Variants in TMEM45B observed in about 807,000 individuals in gnomAD.
TMEM45B encodes transmembrane protein 45B.
Under a neutral mutation model 27.3 loss-of-function variants are expected in TMEM45B, and 29 were observed. The observed-to-expected ratio is 1.06, with a 90% CI of 0.79 to 1.45. The LOEUF is 1.45. Among genes scored for constraint, TMEM45B ranks in the 40% most tolerant of loss-of-function variants. TMEM45B has a pLI of 0.00. For missense variants in TMEM45B, 348 were observed against 343.9 expected (o/e 1.01, Z -0.09); for synonymous variants, 143 against 134.7 (o/e 1.06, Z -0.43).
chr11:129,835,474 G>C (rs1254860981), intron 1 of TMEM45B, among the ~76,000 whole-genome samples: 28 of 152,230 alleles, frequency 1.8e-4, no homozygotes, highest in Non-Finnish European at 3.7e-4. Flanking sequence ...AAAGGAGACA[G>C]AAATAGGAAG....
At chr11:129,823,948 C>T (rs1947450280) in intron 1 of TMEM45B, among the ~76,000 whole-genome samples, 1 of 152,160 alleles carries the variant, frequency 6.6e-6, no homozygotes, top group Admixed American at 6.6e-5. Flanking sequence ...TCTCTTTGAT[C>T]TGTTCTAATG....
At chr11:129,854,893 A>G in intron 3 of TMEM45B, 77 bp downstream of exon 3, 2 of 1,532,590 alleles carry the variant, frequency 1.3e-6, no homozygotes, top group Non-Finnish European at 1.8e-6. Flanking sequence ...ACAAAATATC[A>G]GAAATGTTGC....
intron 1 of TMEM45B, among the ~76,000 whole-genome samples, chr11:129,838,272 T>TG (rs1304459512): frequency 2.6e-5 from 4 of 152,112 alleles, no homozygotes; most frequent in African/African-American, 9.7e-5. Flanking sequence ...GGCTTGGTTG[T>TG]GGGGCCATCC....
intron 1 of TMEM45B, among the ~76,000 whole-genome samples, chr11:129,832,786 G>A (rs1207679573): frequency 6.6e-6 from 1 of 152,040 alleles, no homozygotes; most frequent in Non-Finnish European, 1.5e-5. Flanking sequence ...TGGCAAGAAA[G>A]TACAGAGAAC....
chr11:129,824,013 A>G lies in TMEM45B; in HGVS notation c.-9+8115A>G, dbSNP rs576961119. On this transcript the variant is annotated intron_variant, in intron 1 of 5. Coordinates refer to ENST00000281441, the MANE Select transcript of TMEM45B (RefSeq NM_138788.5). The stretch of plus-strand genomic sequence containing the variant: ...ATCTACAATCTGGCATATTTTATAC[A>G]TTATACAAAGCTCATTGTTGTGCTC... Among the ~76,000 whole-genome samples, 233 of 152,282 alleles carry G rather than the reference A, an allele frequency of 1.5e-3. 1 individual carries two copies. The highest frequency in any genetic ancestry group is 4.9e-3 in the African/African-American group (204 of 41,550).
chr11:129,841,382 G>A (rs1289295953), intron 1 of TMEM45B, among the ~76,000 whole-genome samples: 2 of 152,112 alleles, frequency 1.3e-5, no homozygotes, highest in Non-Finnish European at 2.9e-5. Context: ...ATTTAACAGG[G>A]GGATTCTGGA....
intron 1 of TMEM45B, among the ~76,000 whole-genome samples, chr11:129,817,454 G>A (rs929596162): frequency 6.6e-6 from 1 of 152,158 alleles, no homozygotes; most frequent in African/African-American, 2.4e-5. Flanking sequence ...TATTGAATAT[G>A]GCCCACTGAT....
At chr11:129,851,101 A>G (rs1250266551) in intron 1 of TMEM45B, among the ~76,000 whole-genome samples, 1 of 152,248 alleles carries the variant, frequency 6.6e-6, no homozygotes, top group Non-Finnish European at 1.5e-5. Flanking sequence ...AGATCAAGGC[A>G]GCAGCATCTG....
In TMEM45B at chr11:129,815,856, C is replaced by A; in HGVS notation, c.-51C>A. 1.5e-6 allele frequency: 2 copies of A among 1,307,610 alleles called. No individual in the cohort carries two copies. Among genetic ancestry groups the A allele is most frequent in the Non-Finnish European group, 9.6e-7 (1 of 1,036,314 alleles). 81.0% of individuals were successfully genotyped at this position (1,307,610 alleles called of 1,614,324 possible). On this transcript the variant is annotated 5_prime_UTR_variant, in exon 1 of 6. Transcript: ENST00000281441. ...CCTGCTTCTGGGCGGACGCACTTGG[C>A]GCGCGGCGCGGGCTGCAGACGGCTG...
chr11:129,826,324 C>T lies in TMEM45B; in HGVS notation c.-9+10426C>T, dbSNP rs868326280. 3.3e-5 allele frequency among the ~76,000 whole-genome samples: 5 copies of T among 151,888 alleles called. No individual in the cohort carries two copies. In the East Asian group the frequency reaches 9.7e-4, roughly 30 times the overall value. On this transcript the variant is annotated intron_variant, in intron 1 of 5. Transcript: ENST00000281441. ...CAGCACTTTGGGAGGCCGAGGCGGG[C>T]GGATCACGAGGTCAGGAGATCGAGA...
intron 1 of TMEM45B, among the ~76,000 whole-genome samples, chr11:129,824,508 A>G (rs1357091049): frequency 2.6e-5 from 4 of 152,240 alleles, no homozygotes; most frequent in Non-Finnish European, 5.9e-5. Flanking sequence ...AGTAGAAATC[A>G]AGGGACTTAC....
chr11:129,838,155 G>T (rs1450485704), intron 1 of TMEM45B, among the ~76,000 whole-genome samples: 1 of 152,126 alleles, frequency 6.6e-6, no homozygotes, highest in East Asian at 1.9e-4. Context: ...CAGAAAGAGG[G>T]CAGCCTGCTG....
chr11:129,817,980 G>C, intron 1 of TMEM45B, among the ~76,000 whole-genome samples: 1 of 152,078 alleles, frequency 6.6e-6, no homozygotes, highest in East Asian at 1.9e-4. Flanking sequence ...ATCAACTAAT[G>C]GTACTTATAG....
At chr11:129,842,946 T>C (rs1947713217) in intron 1 of TMEM45B, among the ~76,000 whole-genome samples, 1 of 152,210 alleles carries the variant, frequency 6.6e-6, no homozygotes, top group Non-Finnish European at 1.5e-5. Context: ...TACTACTCAA[T>C]AGTAAAAAAC....
chr11:129,821,513 G>A lies in TMEM45B; in HGVS notation c.-9+5615G>A, dbSNP rs1049587474. The stretch of plus-strand genomic sequence containing the variant: ...TTATGTACAGTTTTTGTAATTTTAC[G>A]CCTTTTTCTTAAAGAAGGCTCCCAA... On this transcript the variant is annotated intron_variant, in intron 1 of 5. Coordinates refer to ENST00000281441, the MANE Select transcript of TMEM45B (RefSeq NM_138788.5). Among the ~76,000 whole-genome samples, 7 of 151,556 alleles carry A rather than the reference G, an allele frequency of 4.6e-5. No individual in the cohort carries two copies. In the South Asian group the frequency reaches 1.0e-3, roughly 23 times the overall value.
intron 1 of TMEM45B, among the ~76,000 whole-genome samples, chr11:129,835,812 G>A (rs1250264497): frequency 6.6e-6 from 1 of 152,212 alleles, no homozygotes; most frequent in Admixed American, 6.5e-5. Flanking sequence ...AGCCAAAGAG[G>A]ATTATTCTCA....
chr11:129,837,241 A>G (rs1947631457), intron 1 of TMEM45B, among the ~76,000 whole-genome samples: 1 of 150,788 alleles, frequency 6.6e-6, no homozygotes, highest in African/African-American at 2.4e-5. Context: ...ACGTGTAGAT[A>G]GGGCTGGGGA....
At chr11:129,840,946 TAAA>T (rs55905045) in intron 1 of TMEM45B, among the ~76,000 whole-genome samples, 14 of 29,268 alleles carry the variant, frequency 4.8e-4, no homozygotes, top group East Asian at 3.5e-3. Context: ...TTTCTTTCTG[TAAA>T]AAAAAAAAAA....
chr11:129,846,120 A>G (rs977176727), intron 1 of TMEM45B, among the ~76,000 whole-genome samples: 2 of 152,262 alleles, frequency 1.3e-5, no homozygotes, highest in Admixed American at 6.5e-5. Context: ...AGTGATCAGT[A>G]TTTGGGAAGA....
Sources: allele counts gnomAD v4.1 joint callset (sites outside exome capture counted in the v4.1 genomes callset), GRCh38; gene constraint gnomAD v4.1.1; transcripts MANE v1.5; gene names NCBI Gene and HGNC (gene_info 2026-07-23, HGNC 2026-07-21).